RHOBTB2: variants seen among roughly 807,000 people sequenced by gnomAD.
The protein encoded by RHOBTB2 is rho-related BTB domain-containing protein 2.
Under a neutral mutation model 66.5 loss-of-function variants are expected in RHOBTB2, and 39 were observed. The observed-to-expected ratio is 0.59, with a 90% CI of 0.45 to 0.77. The LOEUF is 0.77. Ranked by LOEUF, RHOBTB2 falls within the 30% of genes least tolerant of loss-of-function variation. The pLI is 0.00. For missense variants in RHOBTB2, 755 were observed against 999.1 expected (o/e 0.76, Z 3.29); for synonymous variants, 390 against 395.0 (o/e 0.99, Z 0.15).
intron 2 of RHOBTB2, among the ~76,000 whole-genome samples, chr8:22,993,593 A>T (rs1185291000): frequency 6.6e-6 from 1 of 152,214 alleles, no homozygotes; most frequent in Non-Finnish European, 1.5e-5. Flanking sequence ...GACCAGAGAG[A>T]TTAAGGTTCT....
At chr8:23,012,576 A>G (rs1390881081) in intron 7 of RHOBTB2, among the ~76,000 whole-genome samples, 3 of 152,230 alleles carry the variant, frequency 2.0e-5, no homozygotes, top group South Asian at 2.1e-4. Flanking sequence ...ACACAAATAC[A>G]TAAAAGCATA....
rs1330231073 is a variant in RHOBTB2 at position 23,007,320 on chromosome 8, C to G, written c.1075C>G (p.Pro359Ala). ...CGTGGATGAGGCTGGGGGCTCCGGT[C>G]CTGCTGGCCTCCGTGCTTCCACCAG... ...ESVDEAGGSG[P>A]AGLRASTSDG... Residue 359 changes from proline to alanine, a missense_variant, in exon 5 of 10, where the codon CCT (proline) becomes GCT (alanine). This residue lies in a region of RHOBTB2 where 247 missense variants were observed against 238.9 expected (regional missense o/e 1.03). Coordinates refer to ENST00000251822, the MANE Select transcript of RHOBTB2 (RefSeq NM_015178.3). 2 of 1,613,562 alleles carry G rather than the reference C, an allele frequency of 1.2e-6. No individual in the cohort carries two copies. Among genetic ancestry groups the G allele is most frequent in the Non-Finnish European group, 1.7e-6 (2 of 1,179,864 alleles).
In RHOBTB2 at chr8:22,994,522, C is replaced by T. The variant is rs918540393; in HGVS notation, c.-23-39C>T. The T allele has an allele frequency of 3.1e-6, 4 of 1,298,332 alleles. No individual in the cohort carries two copies. In the African/African-American group the frequency reaches 5.9e-5, roughly 19 times the overall value. The allele number at this position is 1,298,332 out of a possible 1,614,324, so 80.4% of individuals were successfully genotyped here. On this transcript the variant is annotated intron_variant, in intron 2 of 11. Coordinates refer to the RHOBTB2 transcript ENST00000519685. ...TCATTCCCTTTCTCCCCTCTGTCTC[C>T]CCTGCCCCGCCCCATCCACTCCTGT...
the RHOBTB2 span, among the ~76,000 whole-genome samples, chr8:22,974,114 G>A: frequency 6.6e-6 from 1 of 152,084 alleles, no homozygotes; most frequent in African/African-American, 2.4e-5. Context: ...CCCTCCCTCC[G>A]AGTTTGCTGA....
chr8:22,971,554 C>T, the RHOBTB2 span, among the ~76,000 whole-genome samples: 1 of 152,174 alleles, frequency 6.6e-6, no homozygotes, highest in Admixed American at 6.6e-5. Context: ...TACAAACCGA[C>T]TTCCACAGCT....
chr8:22,991,796 C>T (rs1810431460), intron 1 of RHOBTB2, among the ~76,000 whole-genome samples: 1 of 152,330 alleles, frequency 6.6e-6, no homozygotes, highest in Admixed American at 6.5e-5. Flanking sequence ...AACCACAGCC[C>T]TTCCCAGGTG....
intron 2 of RHOBTB2, chr8:22,994,487 C>T (rs909880751): frequency 1.7e-5 from 15 of 865,232 alleles, no homozygotes; most frequent in East Asian, 8.0e-5. Context: ...TGGAGTAATT[C>T]GCGGTGTGCT....
At chr8:22,954,624 G>A in the RHOBTB2 span, among the ~76,000 whole-genome samples, 1 of 152,150 alleles carries the variant, frequency 6.6e-6, no homozygotes, top group South Asian at 2.1e-4. Context: ...ATAAAATCAT[G>A]TTGTGATGCC....
upstream of RHOBTB2, among the ~76,000 whole-genome samples, chr8:22,982,593 G>A (rs529576535): frequency 1.3e-5 from 2 of 152,270 alleles, no homozygotes; most frequent in South Asian, 2.1e-4. Flanking sequence ...TTGGCAAGAG[G>A]ATCACTTGAG....
At chr8:22,997,803 G>C (rs1260946574), upstream of RHOBTB2, among the ~76,000 whole-genome samples, 2 of 152,172 alleles carry the variant, frequency 1.3e-5, no homozygotes, top group East Asian at 1.9e-4. Flanking sequence ...CCGTGGGAGA[G>C]ACCCTGGCCT....
the RHOBTB2 span, among the ~76,000 whole-genome samples, chr8:22,980,270 C>T: frequency 6.6e-6 from 1 of 152,092 alleles, no homozygotes; most frequent in Non-Finnish European, 1.5e-5. Context: ...ATATATTTTG[C>T]TAATTTACAC....
Position 23,017,220 on chromosome 8 carries a change from T to C in RHOBTB2, c.1967-32T>C, listed in dbSNP as rs1420501917. On this transcript the variant is annotated intron_variant, in intron 9 of 9. Transcript: ENST00000251822. The surrounding 1 kb of genome is among the most constrained non-coding windows in gnomAD (Gnocchi z 5.3). Reference sequence around the variant, plus strand: ...ACGTTCCTCTTGTCCCTCTGCCTCCTTTCTAACCAAGCTGCCTGCTCTCTG... The same window carrying C: ...ACGTTCCTCTTGTCCCTCTGCCTCCCTTCTAACCAAGCTGCCTGCTCTCTG... The C allele has an allele frequency of 1.2e-6, 2 of 1,612,538 alleles. No individual in the cohort carries two copies. Among genetic ancestry groups the C allele is most frequent in the Non-Finnish European group, 8.5e-7 (1 of 1,178,888 alleles).
the RHOBTB2 span, among the ~76,000 whole-genome samples, chr8:22,960,597 G>A: frequency 6.6e-6 from 1 of 152,256 alleles, no homozygotes; most frequent in East Asian, 1.9e-4. Context: ...GGGATTATAG[G>A]CATGCGCTGC....
chr8:22,987,890 G>A (rs1810320890), intron 1 of RHOBTB2, among the ~76,000 whole-genome samples: 1 of 152,164 alleles, frequency 6.6e-6, no homozygotes, highest in South Asian at 2.1e-4. Context: ...CAGTCGCCAT[G>A]TGCCAGCGGC....
chr8:22,994,346 A>T (rs578005357), intron 2 of RHOBTB2, among the ~76,000 whole-genome samples: 11 of 152,128 alleles, frequency 7.2e-5, no homozygotes, highest in Non-Finnish European at 1.6e-4. Context: ...TCGGCCTCTC[A>T]TCTAGTCCCT....
At position 23,007,295 on chromosome 8, in the gene RHOBTB2, C is replaced by G. The variant is rs751137238; in HGVS notation, c.1050C>G (p.Ser350Arg). 6.2e-7 allele frequency: 1 copy of G among 1,613,710 alleles called. No homozygotes were observed. ...CAGCCAGCTTTGACGTGTGCGAGAGCGTGGATGAGGCTGGGGGCTCCGGTC... is the reference window on the plus strand; with the variant it reads ...CAGCCAGCTTTGACGTGTGCGAGAGGGTGGATGAGGCTGGGGGCTCCGGTC... ...LRAASFDVCESVDEAGGSGPA... is the reference protein window; with the variant it reads ...LRAASFDVCERVDEAGGSGPA... The change falls in exon 5 of 10, where the codon AGC becomes AGG. Residue 350 changes from serine (S) to arginine (R), a missense_variant. Ser to Arg is a moderately radical substitution (Grantham distance 110). Transcript: ENST00000251822.
At chr8:22,994,367 G>C (rs958769803) in intron 2 of RHOBTB2, among the ~76,000 whole-genome samples, 32 of 152,164 alleles carry the variant, frequency 2.1e-4, no homozygotes, top group African/African-American at 7.5e-4. Flanking sequence ...TGACTCCCTG[G>C]GTGGCCTTGG....
chr8:22,994,337 C>T (rs928084436), intron 2 of RHOBTB2, among the ~76,000 whole-genome samples: 1 of 152,240 alleles, frequency 6.6e-6, no homozygotes, highest in African/African-American at 2.4e-5. Context: ...ACCCCAGTTT[C>T]GGCCTCTCAT....
chr8:22,988,228 C>T (rs556110074), intron 1 of RHOBTB2, among the ~76,000 whole-genome samples: 6 of 145,962 alleles, frequency 4.1e-5, no homozygotes, highest in South Asian at 2.2e-4. Flanking sequence ...GGCGCAATCT[C>T]GGCCCACTGC....
Sources: allele counts gnomAD v4.1 joint callset (sites outside exome capture counted in the v4.1 genomes callset), GRCh38; gene constraint gnomAD v4.1.1; regional missense constraint gnomAD v4.1.1; non-coding constraint Gnocchi (gnomAD v3.1); transcripts MANE v1.5; gene names NCBI Gene and HGNC (gene_info 2026-07-23, HGNC 2026-07-21).